The following PRMT8 variants were observed in gnomAD, a reference collection of about 807,000 sequenced individuals.
PRMT8 encodes the protein protein arginine methyltransferase 8.
A neutral mutation model predicts 47.1 loss-of-function variants in PRMT8; 7 were observed. That is an observed-to-expected ratio of 0.15 (90% CI 0.08 to 0.28). The LOEUF (loss-of-function observed/expected upper bound fraction) is 0.28. Ranked by LOEUF, PRMT8 falls within the 10% of genes least tolerant of loss-of-function variation. The pLI is 1.00. For missense variants in PRMT8, 237 were observed against 505.4 expected (o/e 0.47, Z 5.09); for synonymous variants, 188 against 186.5 (o/e 1.01, Z -0.07).
intron 1 of PRMT8, among the ~76,000 whole-genome samples, chr12:3,515,406 C>G (rs1378240398): frequency 6.6e-6 from 1 of 152,150 alleles, no homozygotes; most frequent in South Asian, 2.1e-4. Context: ...AGGAGATATA[C>G]CTAATGCTAA....
intron 1 of PRMT8, among the ~76,000 whole-genome samples, chr12:3,445,365 C>T (rs1864846411): frequency 6.6e-6 from 1 of 152,184 alleles, no homozygotes; most frequent in African/African-American, 2.4e-5. Context: ...ATGCCATAAC[C>T]TTTGTGTTTG....
Position 3,493,676 on chromosome 12 carries a change from T to C in PRMT8, c.75+1976T>C, listed in dbSNP as rs922012258. On this transcript the variant is annotated intron_variant, in intron 1 of 9. Transcript: ENST00000382622. This position sits in a 1 kb window ranked among gnomAD's most constrained non-coding sequence, Gnocchi z 8.2. ...AGAGCGCCGCGCGCCAGTCTATTTTTACTTGCTTCCCCCGCCGCTCCGCGC... is the reference window on the plus strand; with the variant it reads ...AGAGCGCCGCGCGCCAGTCTATTTTCACTTGCTTCCCCCGCCGCTCCGCGC... Among the ~76,000 whole-genome samples the C allele has an allele frequency of 5.3e-5, 8 of 152,218 alleles. No individual in the cohort carries two copies. The highest frequency in any genetic ancestry group is 1.0e-4 in the Non-Finnish European group (7 of 68,042).
At chr12:3,539,672 A>T (rs561745439) in intron 1 of PRMT8, among the ~76,000 whole-genome samples, 1 of 151,988 alleles carries the variant, frequency 6.6e-6, no homozygotes, top group African/African-American at 2.4e-5. Flanking sequence ...AGCTCTGTGG[A>T]CCCCCATCTC....
At chr12:3,399,987 C>G (rs1214041474) in intron 1 of PRMT8, among the ~76,000 whole-genome samples, 2 of 152,042 alleles carry the variant, frequency 1.3e-5, no homozygotes, top group Non-Finnish European at 2.9e-5. Context: ...TTTAAAAATG[C>G]TCATAACTTT....
At chr12:3,567,730 G>A (rs1866747822) in intron 4 of PRMT8, among the ~76,000 whole-genome samples, 1 of 152,190 alleles carries the variant, frequency 6.6e-6, no homozygotes. Context: ...ACAAAAGTAA[G>A]CTACTATCAG....
Position 3,402,626 on chromosome 12 carries a change from A to G in PRMT8, c.48+21184A>G, listed in dbSNP as rs535950812. Reference sequence around the variant, plus strand: ...TAAGGAACTTAAACAAATTTACAAGAATAAAACAAACAACCCCATTAAAAA... The same window carrying G: ...TAAGGAACTTAAACAAATTTACAAGGATAAAACAAACAACCCCATTAAAAA... On this transcript the variant is annotated intron_variant, in intron 1 of 9. Transcript: ENST00000452611. 3.7e-4 allele frequency among the ~76,000 whole-genome samples: 56 copies of G among 152,348 alleles called. No individual in the cohort carries two copies. In the South Asian group the frequency reaches 0.012, roughly 32 times the overall value.
intron 1 of PRMT8, among the ~76,000 whole-genome samples, chr12:3,427,515 A>C (rs1043727638): frequency 6.6e-6 from 1 of 152,164 alleles, no homozygotes; most frequent in Non-Finnish European, 1.5e-5. Flanking sequence ...AATGTAGGTA[A>C]AAATTCACAT....
At chr12:3,417,041 A>G (rs1241440441) in intron 1 of PRMT8, among the ~76,000 whole-genome samples, 2 of 152,260 alleles carry the variant, frequency 1.3e-5, no homozygotes, top group Non-Finnish European at 2.9e-5. Context: ...TAAGGGAACT[A>G]TTATACTGAT....
At chr12:3,574,758 T>C (rs1165158108) in intron 6 of PRMT8, among the ~76,000 whole-genome samples, 1 of 152,180 alleles carries the variant, frequency 6.6e-6, no homozygotes, top group Non-Finnish European at 1.5e-5. Context: ...ACACAGCAAA[T>C]ACGTGGCAGA....
chr12:3,459,964 C>T (rs1315201516), intron 1 of PRMT8, among the ~76,000 whole-genome samples: 2 of 152,206 alleles, frequency 1.3e-5, no homozygotes, highest in Non-Finnish European at 2.9e-5. Flanking sequence ...ACGTTCACGT[C>T]AAACCCTACC....
intron 1 of PRMT8, among the ~76,000 whole-genome samples, chr12:3,428,563 G>A (rs1032154389): frequency 3.4e-4 from 52 of 151,974 alleles, no homozygotes; most frequent in African/African-American, 1.1e-3. Flanking sequence ...GTATTGGAGT[G>A]TTATAGGGTC....
intron 4 of PRMT8, among the ~76,000 whole-genome samples, chr12:3,560,446 T>C (rs980404949): frequency 6.6e-6 from 1 of 152,318 alleles, no homozygotes; most frequent in Non-Finnish European, 1.5e-5. Context: ...CTTCCACATG[T>C]GTGGCCCACA....
At chr12:3,452,495 C>G (rs1864930401) in intron 1 of PRMT8, among the ~76,000 whole-genome samples, 1 of 152,158 alleles carries the variant, frequency 6.6e-6, no homozygotes, top group African/African-American at 2.4e-5. Flanking sequence ...TAAGCGGTCT[C>G]CTCGGAAGCT....
intron 1 of PRMT8, among the ~76,000 whole-genome samples, chr12:3,406,147 C>T (rs1402650120): frequency 1.3e-5 from 2 of 152,260 alleles, no homozygotes; most frequent in African/African-American, 4.8e-5. Context: ...TTGGGACTTG[C>T]ACCTTTTGAA....
intron 8 of PRMT8, among the ~76,000 whole-genome samples, chr12:3,586,509 C>T (rs1015858374): frequency 6.6e-6 from 1 of 152,224 alleles, no homozygotes; most frequent in East Asian, 1.9e-4. Context: ...GGAGGTCCTA[C>T]AGTCTCCAGT....
chr12:3,580,659 G>A lies in PRMT8; in HGVS notation c.829-2399G>A, dbSNP rs1005779746. ...GGCTTCAGTGTATCGGCCAGGGCAAGGGCGAAGGTGGTGAGACTGCGATAT... is the reference window on the plus strand; with the variant it reads ...GGCTTCAGTGTATCGGCCAGGGCAAAGGCGAAGGTGGTGAGACTGCGATAT... On this transcript the variant is annotated intron_variant, in intron 7 of 9. Coordinates refer to ENST00000382622, the MANE Select transcript of PRMT8 (RefSeq NM_019854.5). This position sits in a 1 kb window ranked among gnomAD's most constrained non-coding sequence, Gnocchi z 4.6. Among the ~76,000 whole-genome samples, 8 of 152,300 alleles carry A rather than the reference G, an allele frequency of 5.3e-5. No individual in the cohort carries two copies. Among genetic ancestry groups the A allele is most frequent in the Admixed American group, 6.5e-5 (1 of 15,306 alleles).
At chr12:3,402,135 T>TA (rs142418054) in intron 1 of PRMT8, among the ~76,000 whole-genome samples, 47,629 of 151,364 alleles carry the variant, frequency 0.31, 8,696 homozygotes, top group African/African-American at 0.51. Flanking sequence ...GAACAAACAC[T>TA]GACTAGTGGA....
chr12:3,549,445 TTCTC>T (rs954768269), intron 2 of PRMT8, among the ~76,000 whole-genome samples: 1 of 152,118 alleles, frequency 6.6e-6, no homozygotes, highest in African/African-American at 2.4e-5. Flanking sequence ...GTAATCTTGT[TTCTC>T]TCTCACTGCA....
intron 1 of PRMT8, among the ~76,000 whole-genome samples, chr12:3,425,264 T>TG (rs572077538): frequency 6.6e-6 from 1 of 152,242 alleles, no homozygotes; most frequent in Non-Finnish European, 1.5e-5. Context: ...CACCACAGCA[T>TG]GGGGGGTCTT....
Sources: allele counts gnomAD v4.1 joint callset (sites outside exome capture counted in the v4.1 genomes callset), GRCh38; gene constraint gnomAD v4.1.1; non-coding constraint Gnocchi (gnomAD v3.1); transcripts MANE v1.5; gene names NCBI Gene and HGNC (gene_info 2026-07-23, HGNC 2026-07-21).